The following PPP2R2D variants were observed in gnomAD, a reference collection of about 807,000 sequenced individuals.
PPP2R2D encodes the protein protein phosphatase 2 regulatory subunit Bdelta, also known as serine/threonine-protein phosphatase 2A 55 kDa regulatory subunit B delta isoform.
PPP2R2D carries 9 observed loss-of-function variants against 31.1 expected under a neutral mutation model. That is an observed-to-expected ratio of 0.29 (90% CI 0.17 to 0.51). The LOEUF is 0.51. Ranked by LOEUF, PPP2R2D falls within the 20% of genes least tolerant of loss-of-function variation. The pLI is 0.98. For synonymous variants in PPP2R2D, 179 were observed against 172.6 expected (o/e 1.04, Z -0.29); for missense variants, 391 against 465.6 (o/e 0.84, Z 1.48).
downstream of PPP2R2D, among the ~76,000 whole-genome samples, chr10:131,963,275 C>T (rs2036945441): frequency 2.6e-5 from 4 of 152,240 alleles, no homozygotes; most frequent in Admixed American, 6.5e-5. Context: ...ACCTAAATAT[C>T]TGAACACAGT....
chr10:131,945,325 AG>A lies in PPP2R2D; in HGVS notation c.688del (p.Glu230SerfsTer2). The A allele has an allele frequency of 6.2e-7, 1 of 1,614,154 alleles. No homozygotes were observed. Among genetic ancestry groups the A allele is most frequent in the South Asian group, 1.1e-5 (1 of 91,072 alleles). ...GTGGACATCAAGCCTGCTAACATGG[AG>A]GAGCTGACCGAAGTCATCACTGCAG... ...NIVDIKPANM[E>X]ELTEVITAAE... On this transcript the variant is annotated frameshift_variant, in exon 7 of 9. Coordinates refer to ENST00000455566, the MANE Select transcript of PPP2R2D (RefSeq NM_018461.5). LOFTEE classifies it high-confidence loss of function. This position sits in a 1 kb window ranked among gnomAD's most constrained non-coding sequence, Gnocchi z 4.8.
Position 131,955,568 on chromosome 10 carries a change from A to G in PPP2R2D, c.1083-116A>G, listed in dbSNP as rs1589965785. On this transcript the variant is annotated intron_variant, in intron 8 of 8. Transcript: ENST00000455566. Reference sequence around the variant, plus strand: ...TGATTGATCATTCCTGATTTCTGAAAGTAACTGGGTTGTGGGGGAGGGTGG... The same window carrying G: ...TGATTGATCATTCCTGATTTCTGAAGGTAACTGGGTTGTGGGGGAGGGTGG... 1.1e-5 allele frequency: 10 copies of G among 880,436 alleles called. No individual in the cohort carries two copies. The East Asian group carries it at 1.6e-4, about 14-fold the overall frequency. 54.5% of individuals were successfully genotyped at this position (880,436 alleles called of 1,614,324 possible). A position where few individuals can be genotyped will look rare whatever the true frequency, so the allele number is the denominator to read the frequency against.
At chr10:131,970,910 C>CT in the PPP2R2D span, 3 of 1,614,268 alleles carry the variant, frequency 1.9e-6, no homozygotes, top group African/African-American at 1.3e-5. This position sits in a 1 kb window ranked among gnomAD's most constrained non-coding sequence, Gnocchi z 4.1. Context: ...CATATCCAAT[C>CT]TGAGTTTTTC....
chr10:131,954,846 A>T (rs1554899660), intron 8 of PPP2R2D, among the ~76,000 whole-genome samples: 2 of 152,214 alleles, frequency 1.3e-5, no homozygotes, highest in Non-Finnish European at 2.9e-5. Flanking sequence ...AAATAGGAAG[A>T]GGAGGCGAGC....
In PPP2R2D at chr10:131,957,048, A is replaced by T. The variant is rs1041065083; in HGVS notation, c.*1085A>T. The T allele has an allele frequency of 6.6e-6, 1 of 152,298 alleles. No individual in the cohort carries two copies. The highest frequency in any genetic ancestry group is 6.5e-5 in the Admixed American group (1 of 15,288). The allele number at this position is 152,298 out of a possible 1,614,324, so 9.4% of individuals were successfully genotyped here. On this transcript the variant is annotated 3_prime_UTR_variant, in exon 9 of 9. Coordinates refer to ENST00000455566, the MANE Select transcript of PPP2R2D (RefSeq NM_018461.5). ...CAAAGTAGGATCTTTGATACCAGAA[A>T]TCAAGATTTTCCAAGACAAATAATA... is the stretch of plus-strand genomic sequence containing the variant.
chr10:131,961,623 G>C (rs2036920936), downstream of PPP2R2D, among the ~76,000 whole-genome samples: 1 of 152,214 alleles, frequency 6.6e-6, no homozygotes, highest in African/African-American at 2.4e-5. Context: ...GGACACCCAG[G>C]GCTCCTTGAT....
intron 2 of PPP2R2D, among the ~76,000 whole-genome samples, chr10:131,931,409 G>T (rs1488982544): frequency 6.6e-6 from 1 of 152,228 alleles, no homozygotes; most frequent in South Asian, 2.1e-4. Flanking sequence ...GTGCAGTGGC[G>T]TGATCTCAGC....
At chr10:131,932,670 A>AC (rs2036262974) in intron 2 of PPP2R2D, among the ~76,000 whole-genome samples, 2 of 123,890 alleles carry the variant, frequency 1.6e-5, no homozygotes, top group South Asian at 2.3e-4. Context: ...AAAAAAAAAC[A>AC]CACAAAAAAA....
chr10:131,971,087 G>C, the PPP2R2D span: 1 of 926,848 alleles, frequency 1.1e-6, no homozygotes, highest in Non-Finnish European at 1.7e-6. Context: ...AGAGGCACAT[G>C]TCAGTGCCTC....
In PPP2R2D at chr10:131,945,550, C is replaced by G; in HGVS notation, c.820+91C>G. ...TCTCGGCTCACGGCAAGCTCCGCCT[C>G]CCGGGTTCCAGCAAGTCTTCTGCCT... On this transcript the variant is annotated intron_variant, in intron 7 of 8. Transcript: ENST00000455566. This position sits in a 1 kb window ranked among gnomAD's most constrained non-coding sequence, Gnocchi z 4.8. The G allele has an allele frequency of 6.9e-7, 1 of 1,447,666 alleles. No individual in the cohort carries two copies. Among genetic ancestry groups the G allele is most frequent in the Non-Finnish European group, 9.3e-7 (1 of 1,079,358 alleles). 89.7% of individuals were successfully genotyped at this position (1,447,666 alleles called of 1,614,324 possible).
At chr10:131,919,522 GTGTT>G (rs202195928) in intron 2 of PPP2R2D, among the ~76,000 whole-genome samples, 10 of 125,874 alleles carry the variant, frequency 7.9e-5, no homozygotes, top group East Asian at 3.0e-4. Flanking sequence ...GAATGACACA[GTGTT>G]TGTAGGGACC....
chr10:131,910,410 G>A (rs907542844), intron 2 of PPP2R2D, among the ~76,000 whole-genome samples: 1 of 152,164 alleles, frequency 6.6e-6, no homozygotes, highest in Non-Finnish European at 1.5e-5. Context: ...ATTAGCAGTA[G>A]TAGAGAAAAG....
chr10:131,953,321 GCGGGGGTT>G (rs1554899337), intron 8 of PPP2R2D, among the ~76,000 whole-genome samples: 20,947 of 115,172 alleles, frequency 0.18, 2,766 homozygotes, highest in East Asian at 0.24. Flanking sequence ...TTGCAGGTGT[GCGGGGGTT>G]CACTGTCTTA....
the PPP2R2D span, among the ~76,000 whole-genome samples, chr10:131,965,861 T>C: frequency 6.6e-6 from 1 of 152,208 alleles, no homozygotes; most frequent in African/African-American, 2.4e-5. Context: ...TCACATACCC[T>C]GGAATCCCTT....
chr10:131,936,516 TAA>T (rs1554896511), intron 3 of PPP2R2D, among the ~76,000 whole-genome samples: 1 of 152,246 alleles, frequency 6.6e-6, no homozygotes, highest in African/African-American at 2.4e-5. Flanking sequence ...TTAGCTTATT[TAA>T]AAAGTCTGTC....
chr10:131,909,665 G>C (rs1259822712), intron 2 of PPP2R2D, among the ~76,000 whole-genome samples: 1 of 152,208 alleles, frequency 6.6e-6, no homozygotes, highest in Admixed American at 6.5e-5. Context: ...TGTCGCCCAG[G>C]TTGTGGTTTG....
chr10:131,951,265 T>C (rs909321082), intron 8 of PPP2R2D, among the ~76,000 whole-genome samples: 4 of 152,232 alleles, frequency 2.6e-5, no homozygotes, highest in African/African-American at 7.2e-5. Context: ...GCTTCTTGCA[T>C]GTTCAGACAA....
chr10:131,912,759 G>C (rs2035704911), intron 2 of PPP2R2D, among the ~76,000 whole-genome samples: 1 of 152,180 alleles, frequency 6.6e-6, no homozygotes, highest in African/African-American at 2.4e-5. Flanking sequence ...TAACCAGGCT[G>C]CCTTTTTATG....
rs373556871 is a variant in PPP2R2D at position 131,940,701 on chromosome 10, G to A, written c.477+7G>A. On this transcript the variant is annotated splice_region_variant and intron_variant, in intron 5 of 8. Coordinates refer to ENST00000455566, the MANE Select transcript of PPP2R2D (RefSeq NM_018461.5). ...TAGGATCACGGCGCTACGGGTACAC[G>A]TTGCCTTTGCTTTATCCAATGCTGT... The A allele has an allele frequency of 5.8e-4, 448 of 769,368 alleles. 1 individual carries two copies. The highest frequency in any genetic ancestry group is 9.7e-4 in the Non-Finnish European group (402 of 413,008). 47.7% of individuals were successfully genotyped at this position (769,368 alleles called of 1,614,324 possible). A position where few individuals can be genotyped will look rare whatever the true frequency, so the allele number is the denominator to read the frequency against.
Sources: allele counts gnomAD v4.1 joint callset (sites outside exome capture counted in the v4.1 genomes callset), GRCh38; gene constraint gnomAD v4.1.1; non-coding constraint Gnocchi (gnomAD v3.1); transcripts MANE v1.5; gene names NCBI Gene and HGNC (gene_info 2026-07-23, HGNC 2026-07-21).